DRC12: variants seen among roughly 807,000 people sequenced by gnomAD.
DRC12 encodes the protein dynein regulatory complex protein 12.
the DRC12 span, among the ~76,000 whole-genome samples, chr11:119,192,498 T>G: frequency 6.6e-6 from 1 of 152,156 alleles, no homozygotes; most frequent in African/African-American, 2.4e-5. Context: ...CAGAAGTAAA[T>G]AAGTCAAACA....
chr11:119,192,294 T>C, the DRC12 span, among the ~76,000 whole-genome samples: 1 of 152,068 alleles, frequency 6.6e-6, no homozygotes, highest in Non-Finnish European at 1.5e-5. Context: ...TTTTAAGGTA[T>C]GAAAACTTTG....
the DRC12 span, chr11:119,195,562 A>G: frequency 1.7e-3 from 2,050 of 1,224,532 alleles, 3 homozygotes; most frequent in Admixed American, 1.7e-3. Flanking sequence ...TGAGCTTTAG[A>G]CTGAACCAGG....
the DRC12 span, chr11:119,195,085 C>G: frequency 9.1e-7 from 1 of 1,099,440 alleles, no homozygotes; most frequent in South Asian, 1.4e-5. Flanking sequence ...GCACTTTTGC[C>G]ACAGCAGACC....
chr11:119,193,303 GA>G, the DRC12 span: 4 of 1,425,310 alleles, frequency 2.8e-6, no homozygotes, highest in Admixed American at 1.7e-5. Context: ...ATGGAGAAAG[GA>G]AATGAAGTTG....
chr11:119,193,341 A>G, the DRC12 span: 1 of 1,056,332 alleles, frequency 9.5e-7, no homozygotes, highest in South Asian at 1.3e-5. Context: ...TACTTGGTCT[A>G]GTGGAACAGG....
chr11:119,194,886 CCT>C, the DRC12 span: 4 of 1,504,106 alleles, frequency 2.7e-6, no homozygotes, highest in African/African-American at 1.4e-5. Context: ...TTTCACTTCC[CCT>C]GTTGCCCACC....
the DRC12 span, among the ~76,000 whole-genome samples, chr11:119,191,701 G>A: frequency 2.0e-5 from 3 of 151,680 alleles, no homozygotes; most frequent in East Asian, 2.0e-4. Context: ...CCAGCTACTC[G>A]GGAGACTGAG....
the DRC12 span, chr11:119,193,201 G>A: frequency 2.8e-5 from 45 of 1,614,040 alleles, no homozygotes; most frequent in Non-Finnish European, 3.3e-5. Context: ...CTTGCTGCGG[G>A]TTTGCATATC....
chr11:119,190,625 T>TAAG, the DRC12 span: 1 of 1,568,274 alleles, frequency 6.4e-7, no homozygotes, highest in Non-Finnish European at 8.7e-7. This position sits in a 1 kb window ranked among gnomAD's most constrained non-coding sequence, Gnocchi z 4.2. Context: ...AACCCTGGGT[T>TAAG]GTCAGTCATC....
chr11:119,194,998 C>T, the DRC12 span: 4 of 1,550,466 alleles, frequency 2.6e-6, no homozygotes, highest in African/African-American at 2.7e-5. Flanking sequence ...TCTGCACCTG[C>T]GGTGGCAAGT....
the DRC12 span, chr11:119,193,934 A>G: frequency 1.3e-6 from 2 of 1,528,526 alleles, no homozygotes; most frequent in Non-Finnish European, 1.8e-6. Context: ...GTCCCACTAA[A>G]TCAGCCCCCA....
At chr11:119,195,606 C>T in the DRC12 span, 1 of 785,672 alleles carries the variant, frequency 1.3e-6, no homozygotes, top group Non-Finnish European at 2.1e-6. Context: ...TCTCTCATAT[C>T]CTTCAGAAAA....
At chr11:119,194,745 A>C in the DRC12 span, among the ~76,000 whole-genome samples, 1 of 118,966 alleles carries the variant, frequency 8.4e-6, no homozygotes, top group East Asian at 2.5e-4. Flanking sequence ...AACAAAAAAA[A>C]CACCTTCCTT....
the DRC12 span, among the ~76,000 whole-genome samples, chr11:119,194,252 C>T: frequency 2.0e-5 from 3 of 151,758 alleles, no homozygotes; most frequent in African/African-American, 4.8e-5. Flanking sequence ...CGGTGGCTCA[C>T]GCCTGTAATC....
chr11:119,191,652 A>G, the DRC12 span, among the ~76,000 whole-genome samples: 1 of 151,748 alleles, frequency 6.6e-6, no homozygotes, highest in Non-Finnish European at 1.5e-5. Flanking sequence ...TACTAAAAAT[A>G]CAAAAATTAG....
At chr11:119,194,834 T>G in the DRC12 span, 1 of 743,936 alleles carries the variant, frequency 1.3e-6, no homozygotes, top group Non-Finnish European at 2.1e-6. Flanking sequence ...CCCCCCACCA[T>G]ACCTCCAACT....
chr11:119,195,070 A>C, the DRC12 span: 1 of 1,280,436 alleles, frequency 7.8e-7, no homozygotes, highest in Non-Finnish European at 1.1e-6. Flanking sequence ...CTCACCCCAC[A>C]CCCTGCACTT....
At chr11:119,190,488 G>A in the DRC12 span, 1 of 1,612,374 alleles carries the variant, frequency 6.2e-7, no homozygotes, top group South Asian at 1.1e-5. The surrounding 1 kb of genome is among the most constrained non-coding windows in gnomAD (Gnocchi z 4.2). Flanking sequence ...CAGAAAGAGA[G>A]AGAGGGAAGG....
chr11:119,191,426 C>T, the DRC12 span, among the ~76,000 whole-genome samples: 3 of 151,686 alleles, frequency 2.0e-5, no homozygotes, highest in Non-Finnish European at 4.4e-5. Context: ...GAGAGAATGA[C>T]ACATCCCTCA....
Sources: allele counts gnomAD v4.1 joint callset (sites outside exome capture counted in the v4.1 genomes callset), GRCh38; gene constraint gnomAD v4.1.1; non-coding constraint Gnocchi (gnomAD v3.1); transcripts MANE v1.5; gene names NCBI Gene and HGNC (gene_info 2026-07-23, HGNC 2026-07-21).